FAM185A: variants seen among roughly 807,000 people sequenced by gnomAD.
FAM185A encodes family with sequence similarity 185 member A.
In FAM185A, 21 loss-of-function variants were observed where a neutral mutation model predicts 45.7. The observed-to-expected ratio is 0.46, with a 90% confidence interval of 0.33 to 0.66. FAM185A has a LOEUF of 0.66. Ranked by LOEUF, FAM185A falls within the 30% of genes least tolerant of loss-of-function variation. The pLI, the probability that FAM185A is intolerant of heterozygous loss-of-function variation, is 0.03. For synonymous variants in FAM185A, 117 were observed against 194.0 expected, an observed-to-expected ratio of 0.60 and a Z score of 3.30; for missense variants, 305 against 485.4, an observed-to-expected ratio of 0.63 and a Z score of 3.49.
At chr7:102,794,328 C>G (rs1796319800) in intron 7 of FAM185A, among the ~76,000 whole-genome samples, 1 of 152,108 alleles carries the variant, frequency 6.6e-6, no homozygotes, top group Admixed American at 6.5e-5. Flanking sequence ...GATTCGTGCA[C>G]ACAAAAGTTT....
At chr7:102,772,831 CTAGT>C (rs1445761595) in intron 5 of FAM185A, among the ~76,000 whole-genome samples, 2 of 150,676 alleles carry the variant, frequency 1.3e-5, no homozygotes, top group African/African-American at 2.4e-5. Context: ...ATACCAATAA[CTAGT>C]TAGTCAACAT....
chr7:102,762,064 A>G (rs1335334720), intron 4 of FAM185A, among the ~76,000 whole-genome samples: 1 of 152,224 alleles, frequency 6.6e-6, no homozygotes, highest in Non-Finnish European at 1.5e-5. Flanking sequence ...GATTGCTTTT[A>G]TGTTAACATA....
rs1256009725 is a variant in FAM185A at position 102,749,510 on chromosome 7, G to A, written c.303G>A (p.Val101=). The change falls in exon 1 of 8, where the codon GTG becomes GTA. Residue 101 remains valine, a synonymous_variant. Coordinates refer to ENST00000413034, the MANE Select transcript of FAM185A (RefSeq NM_001145268.2). ...TCACCTACCCGGATGGCGACCGCGT[G>A]CTGGTCGCGGTGTGCGGCGTGGAGG... ...DPLTYPDGDR[V]LVAVCGVEGG... is the part of the protein sequence containing the mutation. The A allele has an allele frequency of 6.6e-7, 1 of 1,523,404 alleles. No individual in the cohort carries two copies. Among genetic ancestry groups the A allele is most frequent in the African/African-American group, 1.4e-5 (1 of 72,448 alleles). The allele number at this position is 1,523,404 out of a possible 1,614,324, so 94.4% of individuals were successfully genotyped here.
the FAM185A span, among the ~76,000 whole-genome samples, chr7:102,828,298 C>T: frequency 1.3e-5 from 2 of 151,780 alleles, no homozygotes; most frequent in South Asian, 2.1e-4. Flanking sequence ...AGGTCCTTCA[C>T]GTCCCTTGTA....
At chr7:102,832,820 G>A in the FAM185A span, 11 of 1,613,778 alleles carry the variant, frequency 6.8e-6, no homozygotes, top group Non-Finnish European at 8.5e-6. Flanking sequence ...ATGTGTTTGA[G>A]CCCTGACTCC....
chr7:102,786,853 T>C (rs1160720096), intron 6 of FAM185A, among the ~76,000 whole-genome samples: 2 of 151,572 alleles, frequency 1.3e-5, no homozygotes, highest in Non-Finnish European at 2.9e-5. Flanking sequence ...ATGGGCTTTG[T>C]AATTATTGAG....
chr7:102,783,102 A>G (rs576196681), intron 6 of FAM185A, among the ~76,000 whole-genome samples: 1 of 152,132 alleles, frequency 6.6e-6, no homozygotes, highest in South Asian at 2.1e-4. Context: ...AGAGATAACT[A>G]TCGTAAATAT....
intron 1 of FAM185A, among the ~76,000 whole-genome samples, chr7:102,750,117 G>A (rs1440745497): frequency 6.6e-6 from 1 of 152,120 alleles, no homozygotes; most frequent in South Asian, 2.1e-4. Flanking sequence ...GGTTTTAGAC[G>A]GGCGCCCAGC....
chr7:102,773,582 C>G (rs1043464053), intron 5 of FAM185A, among the ~76,000 whole-genome samples: 22 of 152,166 alleles, frequency 1.4e-4, no homozygotes, highest in African/African-American at 5.3e-4. Flanking sequence ...GTAGGTATGG[C>G]ATTGCTGAGT....
chr7:102,753,166 A>T (rs1196763453), intron 2 of FAM185A, among the ~76,000 whole-genome samples: 1 of 152,154 alleles, frequency 6.6e-6, no homozygotes, highest in Admixed American at 6.5e-5. Context: ...TTCATGTTGA[A>T]TGACTAGGTG....
chr7:102,843,232 T>C, the FAM185A span, among the ~76,000 whole-genome samples: 2 of 152,042 alleles, frequency 1.3e-5, no homozygotes, highest in Non-Finnish European at 2.9e-5. Context: ...TCACCTGAGG[T>C]CAGGAGTTCA....
intron 7 of FAM185A, among the ~76,000 whole-genome samples, chr7:102,802,981 C>A (rs1004507108): frequency 3.3e-5 from 5 of 151,948 alleles, no homozygotes; most frequent in Non-Finnish European, 7.4e-5. Context: ...TAGCTTAAAT[C>A]AGGAAGAATT....
In FAM185A at chr7:102,758,427, C is replaced by T. The variant is rs6945867; in HGVS notation, c.654+481C>T. ...TTAGATAGCTTTACTGCTCTCACAG[C>T]TTTTTTTTTTTTTTTTTTTTTTTTT... On this transcript the variant is annotated intron_variant, in intron 3 of 7. Transcript: ENST00000413034. Among the ~76,000 whole-genome samples the T allele has an allele frequency of 1.9e-3, 87 of 45,886 alleles. 4 individuals carry two copies. The East Asian group carries it at 0.046, about 24-fold the overall frequency. 30.1% of individuals were successfully genotyped at this position (45,886 alleles called of 152,430 possible).
Position 102,780,881 on chromosome 7 carries a change from C to T in FAM185A, c.931+3533C>T, listed in dbSNP as rs567429622. Among the ~76,000 whole-genome samples, 347 of 152,286 alleles carry T rather than the reference C, an allele frequency of 2.3e-3. 1 individual carries two copies. Among genetic ancestry groups the T allele is most frequent in the African/African-American group, 5.7e-3 (236 of 41,548 alleles). ...GCGAGGCATCACCTCACCCGGGAAG[C>T]GCAAGGGGTCAGGGAATACCCTTTC... On this transcript the variant is annotated intron_variant, in intron 6 of 7. Coordinates refer to ENST00000413034, the MANE Select transcript of FAM185A (RefSeq NM_001145268.2).
chr7:102,799,625 T>G (rs1014802077), intron 7 of FAM185A, among the ~76,000 whole-genome samples: 2 of 152,180 alleles, frequency 1.3e-5, no homozygotes, highest in African/African-American at 4.8e-5. Flanking sequence ...ATCACAACTC[T>G]CCTCAGTTCA....
chr7:102,770,007 G>T (rs989715242), intron 4 of FAM185A, among the ~76,000 whole-genome samples: 4 of 152,106 alleles, frequency 2.6e-5, no homozygotes, highest in African/African-American at 7.2e-5. Context: ...TCCAACACAT[G>T]AACTTTTGTG....
chr7:102,819,479 T>G, the FAM185A span, among the ~76,000 whole-genome samples: 1 of 152,098 alleles, frequency 6.6e-6, no homozygotes, highest in African/African-American at 2.4e-5. Context: ...TCAGAAAGGG[T>G]GAGCTGAGCA....
chr7:102,824,573 C>G, the FAM185A span, among the ~76,000 whole-genome samples: 2 of 152,002 alleles, frequency 1.3e-5, no homozygotes, highest in Non-Finnish European at 2.9e-5. Flanking sequence ...GCAACCTCTG[C>G]CTCCCAGGTT....
chr7:102,780,012 C>A (rs1795308543), intron 6 of FAM185A, among the ~76,000 whole-genome samples: 1 of 151,952 alleles, frequency 6.6e-6, no homozygotes, highest in South Asian at 2.1e-4. Flanking sequence ...TGCCTGGCTG[C>A]AATTTATTTC....
Sources: gnomAD v4.1 joint callset for allele counts (sites outside exome capture counted in the v4.1 genomes callset) on GRCh38, gnomAD v4.1.1 for gene constraint, MANE v1.5 for transcripts, NCBI Gene and HGNC (gene_info 2026-07-23, HGNC 2026-07-21) for gene names.